The following PP2D1 variants were observed in gnomAD, a reference collection of about 807,000 sequenced individuals.
PP2D1 encodes protein phosphatase 2C-like domain-containing protein 1.
In PP2D1, 25 loss-of-function variants were observed where a neutral mutation model predicts 30.2. The observed-to-expected ratio is 0.83, with a 90% CI of 0.60 to 1.16. The LOEUF (loss-of-function observed/expected upper bound fraction) is 1.16, where lower values mean the gene tolerates loss of function less well. Ranked by LOEUF, PP2D1 falls within the 50% of genes most tolerant of loss-of-function variation. PP2D1 has a pLI of 0.00. For synonymous variants in PP2D1, 260 were observed against 258.9 expected (o/e 1.00, Z -0.04); for missense variants, 760 against 742.4 (o/e 1.02, Z -0.28).
intron 2 of PP2D1, among the ~76,000 whole-genome samples, chr3:19,988,131 A>C (rs1333366175): frequency 6.6e-6 from 1 of 152,202 alleles, no homozygotes; most frequent in Admixed American, 6.5e-5. Context: ...ACCTTGAAAA[A>C]AGAGCAGGAT....
chr3:20,011,495 A>T (rs1412565535), intron 1 of PP2D1, among the ~76,000 whole-genome samples: 2 of 152,070 alleles, frequency 1.3e-5, no homozygotes, highest in Non-Finnish European at 2.9e-5. Flanking sequence ...ATGTTCATTC[A>T]TTCATAATAA....
In PP2D1 at chr3:19,992,770, T is replaced by C. The variant is rs564134417; in HGVS notation, c.1091-6588A>G. Among the ~76,000 whole-genome samples the C allele has an allele frequency of 8.5e-5, 13 of 152,342 alleles. No individual in the cohort carries two copies. In the South Asian group the frequency reaches 1.2e-3, roughly 15 times the overall value. On this transcript the variant is annotated intron_variant, in intron 2 of 2. Coordinates refer to ENST00000389050, the MANE Select transcript of PP2D1 (RefSeq NM_001252657.2). The stretch of plus-strand genomic sequence containing the variant: ...TTTGATGAGCTTTAGTCTTCTGATA[T>C]ATTAAAAATGTGATTATCCTTTCCT...
At chr3:20,007,994 A>C in intron 1 of PP2D1, 1 of 210,628 alleles carries the variant, frequency 4.7e-6, no homozygotes, top group East Asian at 1.2e-4. Flanking sequence ...TATCTGTAAA[A>C]ACCTATAAAA....
At chr3:19,983,700 T>G, downstream of PP2D1, 1 of 1,547,096 alleles carries the variant, frequency 6.5e-7, no homozygotes, top group Non-Finnish European at 8.9e-7. Context: ...TTGATCATTT[T>G]CTTTCAGCTA....
downstream of PP2D1, chr3:19,984,030 GA>G: frequency 3.9e-6 from 2 of 510,106 alleles, no homozygotes; most frequent in Non-Finnish European, 3.6e-6. Context: ...CAACAATAGG[GA>G]AAAATGAGAA....
Position 19,986,171 on chromosome 3 carries a change from C to T in PP2D1, c.1102G>A (p.Ala368Thr). The T allele has an allele frequency of 6.7e-7, 1 of 1,484,912 alleles. No individual in the cohort carries two copies. The highest frequency in any genetic ancestry group is 1.3e-5 in the South Asian group (1 of 75,422). 92.0% of individuals were successfully genotyped at this position (1,484,912 alleles called of 1,614,324 possible). ...LHVANTGNVQ[A>T]VLCRNGKGFC... Reference sequence around the variant, plus strand: ...CCTTTCCCATTTCTGCATAAGACTGCTTGCACATTACCTAAAAGATTATTT... The same window carrying T: ...CCTTTCCCATTTCTGCATAAGACTGTTTGCACATTACCTAAAAGATTATTT... The change falls in exon 3 of 3, where the codon GCA (alanine) becomes ACA (threonine). Residue 368 changes from alanine (A) to threonine (T), a missense_variant. Physicochemically the swap from Ala to Thr is moderately conservative, Grantham distance 58. Coordinates refer to ENST00000389050, the MANE Select transcript of PP2D1 (RefSeq NM_001252657.2).
chr3:20,002,593 C>G (rs1487175289), intron 1 of PP2D1, among the ~76,000 whole-genome samples: 1 of 152,128 alleles, frequency 6.6e-6, no homozygotes, highest in African/African-American at 2.4e-5. Flanking sequence ...CTGGTGTCAA[C>G]AAACCTACTG....
chr3:20,006,889 G>A (rs1031147017), intron 1 of PP2D1, among the ~76,000 whole-genome samples: 2 of 151,582 alleles, frequency 1.3e-5, no homozygotes, highest in South Asian at 2.1e-4. Context: ...CAATTCTCTC[G>A]CCTCAGCCTC....
intron 2 of PP2D1, among the ~76,000 whole-genome samples, chr3:19,995,700 A>G (rs1287219679): frequency 6.6e-6 from 1 of 152,238 alleles, no homozygotes; most frequent in African/African-American, 2.4e-5. Context: ...AGGCATGGAT[A>G]TAAGTTATTA....
downstream of PP2D1, chr3:19,983,608 G>T (rs1454281710): frequency 1.3e-6 from 1 of 775,424 alleles, no homozygotes; most frequent in Non-Finnish European, 2.2e-6. Context: ...ATGATACTTT[G>T]GGGGTAACCT....
chr3:19,985,645 C>T lies in PP2D1; in HGVS notation c.1628G>A (p.Cys543Tyr), dbSNP rs369125474. 1 of 1,534,726 alleles carries T rather than the reference C, an allele frequency of 6.5e-7. No individual in the cohort carries two copies. Among genetic ancestry groups the T allele is most frequent in the Non-Finnish European group, 8.7e-7 (1 of 1,146,022 alleles). ...NLSDSNYSKY[C>Y]IYNPENVETF... The stretch of plus-strand genomic sequence containing the variant: ...TTCTACATTCTCAGGGTTATAAATA[C>T]AGTATTTAGAATAGTTTGAATCGGA... Residue 543 changes from cysteine to tyrosine, a missense_variant, in exon 3 of 3, where the codon TGT becomes TAT. Transcript: ENST00000389050.
intron 1 of PP2D1, chr3:20,007,875 A>G: frequency 4.7e-6 from 1 of 214,324 alleles, no homozygotes; most frequent in Admixed American, 4.3e-5. Context: ...ATGTCCGAAT[A>G]ATCTCCTAGT....
chr3:20,005,746 A>G (rs1203373268), intron 1 of PP2D1, among the ~76,000 whole-genome samples: 1 of 152,152 alleles, frequency 6.6e-6, no homozygotes, highest in African/African-American at 2.4e-5. Context: ...TTATTATAAA[A>G]GGTATGCATC....
At chr3:19,980,561 C>T (rs905864653), downstream of PP2D1, among the ~76,000 whole-genome samples, 4 of 151,766 alleles carry the variant, frequency 2.6e-5, no homozygotes, top group Non-Finnish European at 5.9e-5. Context: ...GTTACTCGTT[C>T]TAGTTTACCT....
chr3:19,982,046 A>G (rs889392851), downstream of PP2D1, among the ~76,000 whole-genome samples: 4 of 151,962 alleles, frequency 2.6e-5, no homozygotes, highest in Non-Finnish European at 5.9e-5. Context: ...GTTCTAGACC[A>G]GCCTGGGCAA....
At chr3:19,990,816 C>A (rs1697110544) in intron 2 of PP2D1, among the ~76,000 whole-genome samples, 1 of 147,510 alleles carries the variant, frequency 6.8e-6, no homozygotes, top group African/African-American at 2.5e-5. Context: ...GTGGCGCGAT[C>A]TCGGCTCACT....
intron 2 of PP2D1, among the ~76,000 whole-genome samples, chr3:19,996,452 C>G (rs896943973): frequency 6.6e-6 from 1 of 152,066 alleles, no homozygotes; most frequent in African/African-American, 2.4e-5. Context: ...AAAAAGTCCC[C>G]CAAATGAAAA....
chr3:19,980,759 A>T (rs1168240206), downstream of PP2D1, among the ~76,000 whole-genome samples: 1 of 152,066 alleles, frequency 6.6e-6, no homozygotes, highest in Admixed American at 6.6e-5. Context: ...TTGACTGGAG[A>T]TTTACCATTA....
chr3:19,986,040 C>G lies in PP2D1; in HGVS notation c.1233G>C (p.Glu411Asp). The G allele has an allele frequency of 6.5e-7, 1 of 1,536,078 alleles. No individual in the cohort carries two copies. Among genetic ancestry groups the G allele is most frequent in the Non-Finnish European group, 8.7e-7 (1 of 1,146,876 alleles). ...ISSNEPYGLV[E>D]GQVKTTRGLG... is the part of the protein sequence containing the mutation. ...GTCCTCGTGTAGTTTTTACTTGCCC[C>G]TCTACAAGCCCGTATGGTTCATTTG... Residue 411 changes from glutamate to aspartate, a missense_variant, in exon 3 of 3, where the codon GAG becomes GAC. By Grantham distance (45) the Glu-to-Asp change is conservative. Transcript: ENST00000389050.
Sources: allele counts gnomAD v4.1 joint callset (sites outside exome capture counted in the v4.1 genomes callset), GRCh38; gene constraint gnomAD v4.1.1; transcripts MANE v1.5; gene names NCBI Gene and HGNC (gene_info 2026-07-23, HGNC 2026-07-21).